Variants in RGS17 observed in about 807,000 individuals in gnomAD.
The protein encoded by RGS17 is regulator of G protein signaling 17.
A neutral mutation model predicts 25.5 loss-of-function variants in RGS17; 12 were observed. That is an observed-to-expected ratio of 0.47 (90% confidence interval 0.30 to 0.76). The LOEUF (loss-of-function observed/expected upper bound fraction) is 0.76. Ranked by LOEUF, RGS17 falls within the 30% of genes least tolerant of loss-of-function variation. The pLI is 0.07. For missense variants in RGS17, 196 were observed against 242.2 expected (o/e 0.81, Z 1.27); for synonymous variants, 71 against 76.9 (o/e 0.92, Z 0.40).
At chr6:153,063,676 G>A (rs1776668039) in intron 1 of RGS17, among the ~76,000 whole-genome samples, 1 of 152,030 alleles carries the variant, frequency 6.6e-6, no homozygotes, top group East Asian at 1.9e-4. Context: ...TTATTCAAAG[G>A]GATAACAGAG....
chr6:153,024,573 A>T, intron 3 of RGS17, 77 bp from the exon 4 acceptor site: 1 of 1,083,018 alleles, frequency 9.2e-7, no homozygotes, highest in East Asian at 2.4e-5. Context: ...GGAGAGGAGC[A>T]GATAGAAATT....
chr6:153,047,825 T>C (rs978712435), intron 1 of RGS17, among the ~76,000 whole-genome samples: 1 of 152,228 alleles, frequency 6.6e-6, no homozygotes, highest in Non-Finnish European at 1.5e-5. Flanking sequence ...TTGTCTACAG[T>C]AGTCCAAACT....
intron 1 of RGS17, among the ~76,000 whole-genome samples, chr6:153,076,269 T>G (rs978062453): frequency 1.3e-5 from 2 of 151,930 alleles, no homozygotes; most frequent in Admixed American, 1.3e-4. Flanking sequence ...TTATATACAA[T>G]ATAATAACAA....
At chr6:153,068,294 A>AAT (rs1776738226) in intron 1 of RGS17, among the ~76,000 whole-genome samples, 1 of 151,762 alleles carries the variant, frequency 6.6e-6, no homozygotes, top group South Asian at 2.1e-4. Flanking sequence ...AAAAATACAA[A>AAT]AAACTAGCTG....
At chr6:153,128,107 A>G (rs1777729725) in intron 1 of RGS17, among the ~76,000 whole-genome samples, 1 of 152,194 alleles carries the variant, frequency 6.6e-6, no homozygotes. Flanking sequence ...TTGGCTACCT[A>G]TAGCAAAGGA....
intron 1 of RGS17, among the ~76,000 whole-genome samples, chr6:153,080,823 T>C (rs1776967696): frequency 6.6e-6 from 1 of 151,924 alleles, no homozygotes; most frequent in Non-Finnish European, 1.5e-5. Flanking sequence ...TTCAAAACAT[T>C]TTCTCATTTC....
chr6:153,012,978 T>A (rs1779149326), intron 4 of RGS17, among the ~76,000 whole-genome samples: 1 of 152,158 alleles, frequency 6.6e-6, no homozygotes, highest in African/African-American at 2.4e-5. Flanking sequence ...GCTACTAGAT[T>A]TGTTGGGAGA....
intron 1 of RGS17, among the ~76,000 whole-genome samples, chr6:153,073,438 G>C (rs774713667): frequency 1.3e-5 from 2 of 152,084 alleles, no homozygotes; most frequent in Non-Finnish European, 2.9e-5. Context: ...TAGCAGTCAG[G>C]GTCCCAGAAA....
At chr6:153,062,257 A>G (rs1213641546) in intron 1 of RGS17, among the ~76,000 whole-genome samples, 1 of 152,188 alleles carries the variant, frequency 6.6e-6, no homozygotes, top group African/African-American at 2.4e-5. Flanking sequence ...TTGAACCACC[A>G]TGTAAACTGC....
intron 1 of RGS17, among the ~76,000 whole-genome samples, chr6:153,085,264 A>G (rs1263968671): frequency 1.3e-5 from 2 of 152,206 alleles, no homozygotes; most frequent in Non-Finnish European, 2.9e-5. Context: ...CGTAAATGTA[A>G]TCATTGCATA....
chr6:153,084,948 A>G (rs1237247090), intron 1 of RGS17, among the ~76,000 whole-genome samples: 4 of 152,224 alleles, frequency 2.6e-5, no homozygotes, highest in Non-Finnish European at 5.9e-5. Context: ...TATGCTATGT[A>G]TTTATATTTG....
intron 1 of RGS17, among the ~76,000 whole-genome samples, chr6:153,093,043 C>T (rs1777155442): frequency 6.6e-6 from 1 of 152,162 alleles, no homozygotes; most frequent in Non-Finnish European, 1.5e-5. Flanking sequence ...AAAGATGCTA[C>T]TTAGGAAATA....
intron 1 of RGS17, among the ~76,000 whole-genome samples, chr6:153,099,815 G>C (rs1399548988): frequency 1.3e-5 from 2 of 152,030 alleles, no homozygotes; most frequent in Non-Finnish European, 1.5e-5. Context: ...CAGAGTGGGT[G>C]AAGATTAAAT....
chr6:153,076,950 A>T (rs1776888856), intron 1 of RGS17, among the ~76,000 whole-genome samples: 1 of 152,066 alleles, frequency 6.6e-6, no homozygotes, highest in African/African-American at 2.4e-5. Context: ...ATGGGGCCCA[A>T]ATATCACATA....
At chr6:153,050,466 AAT>A (rs1776446670) in intron 1 of RGS17, among the ~76,000 whole-genome samples, 2 of 152,292 alleles carry the variant, frequency 1.3e-5, no homozygotes, top group South Asian at 4.1e-4. Context: ...GGAAAATATA[AAT>A]ACTCCAAATT....
chr6:153,056,109 C>T (rs1776552616), intron 1 of RGS17, among the ~76,000 whole-genome samples: 1 of 152,170 alleles, frequency 6.6e-6, no homozygotes, highest in Non-Finnish European at 1.5e-5. Flanking sequence ...ATTTAGAATG[C>T]ATTAACAGAA....
At chr6:153,126,427 C>G (rs1402806511) in intron 1 of RGS17, among the ~76,000 whole-genome samples, 1 of 126,910 alleles carries the variant, frequency 7.9e-6, no homozygotes, top group Non-Finnish European at 1.7e-5. Context: ...CCTGGCTGAT[C>G]CAGCTTTTCT....
chr6:153,027,788 T>C (rs1779318498), intron 2 of RGS17, among the ~76,000 whole-genome samples: 1 of 152,130 alleles, frequency 6.6e-6, no homozygotes, highest in Non-Finnish European at 1.5e-5. Context: ...CTATGAACCA[T>C]GGCTGCTGAT....
intron 4 of RGS17, among the ~76,000 whole-genome samples, chr6:153,023,784 C>A (rs1779270387): frequency 6.6e-6 from 1 of 152,124 alleles, no homozygotes; most frequent in Non-Finnish European, 1.5e-5. Context: ...GGTTTTCCAA[C>A]TAGTATGTAT....
Sources: gnomAD v4.1 joint callset for allele counts (sites outside exome capture counted in the v4.1 genomes callset) on GRCh38, gnomAD v4.1.1 for gene constraint, MANE v1.5 for transcripts, NCBI Gene and HGNC (gene_info 2026-07-23, HGNC 2026-07-21) for gene names.